Variants in DENND2B observed in about 807,000 individuals in gnomAD.
The protein encoded by DENND2B is DENN domain containing 2B, also known as DENN domain-containing protein 2B.
Under a neutral mutation model 116.0 loss-of-function variants are expected in DENND2B, and 32 were observed. The ratio of observed to expected loss-of-function variants is 0.28; its 90% CI spans 0.21 to 0.37. The LOEUF is 0.37. Ranked by LOEUF, DENND2B falls within the 10% of genes least tolerant of loss-of-function variation. The probability of loss-of-function intolerance (pLI) is 1.00; values close to 1 mark genes in which losing one functional copy is unlikely to be tolerated. For synonymous variants in DENND2B, 588 were observed against 583.9 expected (o/e 1.01, Z -0.10); for missense variants, 1,276 against 1,477.7 (o/e 0.86, Z 2.24).
chr11:8,742,126 CTGGGCTCAAGTGATCCTTA>C (rs1244008017), intron 2 of DENND2B, among the ~76,000 whole-genome samples: 1 of 152,126 alleles, frequency 6.6e-6, no homozygotes, highest in South Asian at 2.1e-4. Context: ...TCTTGAACTC[CTGGGCTCAAGTGATCCTTA>C]TGCCTCAGCC....
intron 3 of DENND2B, among the ~76,000 whole-genome samples, chr11:8,846,917 G>A (rs1324770594): frequency 2.0e-5 from 3 of 152,162 alleles, no homozygotes; most frequent in Non-Finnish European, 4.4e-5. Flanking sequence ...TGTCCCACAG[G>A]GTGACCCCTC....
intron 1 of DENND2B, among the ~76,000 whole-genome samples, chr11:8,805,373 G>A (rs914260766): frequency 1.3e-5 from 2 of 152,220 alleles, no homozygotes; most frequent in Non-Finnish European, 2.9e-5. Flanking sequence ...CCATAAGGTA[G>A]CCTGTGTTCC....
At chr11:8,767,505 G>A (rs1214955972) in intron 1 of DENND2B, among the ~76,000 whole-genome samples, 1 of 152,164 alleles carries the variant, frequency 6.6e-6, no homozygotes, top group South Asian at 2.1e-4. Flanking sequence ...TACAGAATAC[G>A]TTCCAGAGGA....
intron 1 of DENND2B, among the ~76,000 whole-genome samples, chr11:8,780,437 C>T (rs996516078): frequency 1.3e-5 from 2 of 152,150 alleles, no homozygotes; most frequent in Non-Finnish European, 2.9e-5. Context: ...AGAGGGTGAC[C>T]CTTGTGCTAG....
chr11:8,753,586 G>C (rs2052970319), intron 1 of DENND2B, among the ~76,000 whole-genome samples: 1 of 151,962 alleles, frequency 6.6e-6, no homozygotes, highest in South Asian at 2.1e-4. Context: ...GAAATGCAAG[G>C]GATACAGGAC....
chr11:8,759,067 C>G (rs1464834978), intron 1 of DENND2B, among the ~76,000 whole-genome samples: 1 of 152,182 alleles, frequency 6.6e-6, no homozygotes, highest in Non-Finnish European at 1.5e-5. Flanking sequence ...TCCTGAGTGC[C>G]CTTTCTCCCT....
At chr11:8,761,663 C>T (rs1776365005) in intron 1 of DENND2B, among the ~76,000 whole-genome samples, 1 of 152,180 alleles carries the variant, frequency 6.6e-6, no homozygotes, top group Admixed American at 6.5e-5. Context: ...ACTCTAAGTC[C>T]TGACCTCCTT....
At chr11:8,737,883 G>T (rs892768525) in intron 2 of DENND2B, among the ~76,000 whole-genome samples, 1 of 151,446 alleles carries the variant, frequency 6.6e-6, no homozygotes, top group African/African-American at 2.4e-5. Context: ...GAATAGCTGG[G>T]ACTACAGGTT....
chr11:8,896,228 T>C (rs926439495), intron 1 of DENND2B, among the ~76,000 whole-genome samples: 4 of 152,038 alleles, frequency 2.6e-5, no homozygotes, highest in African/African-American at 9.7e-5. Context: ...CCAGTATCAA[T>C]GCACAGAAGA....
At chr11:8,794,251 G>A (rs2059627762) in intron 1 of DENND2B, among the ~76,000 whole-genome samples, 1 of 152,222 alleles carries the variant, frequency 6.6e-6, no homozygotes, top group African/African-American at 2.4e-5. Context: ...GGGCAGAGGT[G>A]AGAAGACCTG....
chr11:8,892,528 G>T lies in DENND2B; in HGVS notation c.-255-11419C>A, dbSNP rs565371830. ...GACTAATAAAGAAGACAAGAGAGAA[G>T]AATCAAATAGACACAATAAAAAATG... On this transcript the variant is annotated intron_variant, in intron 1 of 22. Transcript: ENST00000534127. Among the ~76,000 whole-genome samples the T allele has an allele frequency of 4.4e-4, 67 of 151,898 alleles. 1 individual carries two copies. The South Asian group carries it at 0.013, about 30-fold the overall frequency.
At chr11:8,861,510 A>G (rs2063389490) in intron 2 of DENND2B, among the ~76,000 whole-genome samples, 1 of 152,356 alleles carries the variant, frequency 6.6e-6, no homozygotes, top group Middle Eastern at 3.4e-3. Context: ...CAGACTAGCC[A>G]TTACTAAAAA....
chr11:8,712,693 C>T lies in DENND2B; in HGVS notation c.2030G>A (p.Arg677His), dbSNP rs747566247. The T allele has an allele frequency of 9.3e-6, 15 of 1,612,160 alleles. No homozygotes were observed. Among genetic ancestry groups the T allele is most frequent in the Middle Eastern group, 3.3e-4 (2 of 6,072 alleles). The change falls in exon 9 of 20, where the codon CGC (arginine) becomes CAC (histidine). Residue 677 changes from arginine to histidine, a missense_variant. Coordinates refer to ENST00000313726, the MANE Select transcript of DENND2B (RefSeq NM_213618.2). This position sits in a 1 kb window ranked among gnomAD's most constrained non-coding sequence, Gnocchi z 4.4. Reference protein sequence around the residue: ...RLVHIQSMLKRAPSYRTLELE... With the variant: ...RLVHIQSMLKHAPSYRTLELE... ...CTCCAGCGTGCGATAGCTGGGGGCG[C>T]GCTTCAGCATCGACTGGATGTGGAC... is the stretch of plus-strand genomic sequence containing the variant.
chr11:8,799,457 A>G (rs963814263), intron 1 of DENND2B, among the ~76,000 whole-genome samples: 1 of 152,088 alleles, frequency 6.6e-6, no homozygotes, highest in African/African-American at 2.4e-5. Context: ...TACCAGCCAG[A>G]GTCCAAGCCA....
chr11:8,711,417 C>A (rs555105175), intron 9 of DENND2B, among the ~76,000 whole-genome samples, 186 bp from the exon 10 acceptor site: 1 of 152,136 alleles, frequency 6.6e-6, no homozygotes, highest in African/African-American at 2.4e-5. Context: ...TAAATGCCAG[C>A]GGAGTGCTTT....
intron 4 of DENND2B, among the ~76,000 whole-genome samples, chr11:8,721,466 C>T (rs1442410098): frequency 1.3e-5 from 2 of 151,394 alleles, no homozygotes; most frequent in East Asian, 3.9e-4. Flanking sequence ...GGACCACACC[C>T]ATTACTAGGG....
chr11:8,753,508 C>T (rs184444786), intron 1 of DENND2B, among the ~76,000 whole-genome samples: 1 of 152,214 alleles, frequency 6.6e-6, no homozygotes, highest in East Asian at 1.9e-4. Context: ...ACAGACTCAA[C>T]AGAATACCCA....
intron 4 of DENND2B, chr11:8,719,133 AGCAG>A: frequency 1.0e-6 from 1 of 985,714 alleles, no homozygotes; most frequent in African/African-American, 1.7e-5. Flanking sequence ...CTCCTCAGGA[AGCAG>A]GCAGAAGAAG....
At chr11:8,897,882 C>A (rs2064121996) in intron 1 of DENND2B, among the ~76,000 whole-genome samples, 1 of 152,146 alleles carries the variant, frequency 6.6e-6, no homozygotes, top group Non-Finnish European at 1.5e-5. Context: ...AACTCCTAGG[C>A]TCCAGCAATC....
Sources: gnomAD v4.1 joint callset for allele counts (sites outside exome capture counted in the v4.1 genomes callset) on GRCh38, gnomAD v4.1.1 for gene constraint, Gnocchi (gnomAD v3.1) non-coding constraint, MANE v1.5 for transcripts, NCBI Gene and HGNC (gene_info 2026-07-23, HGNC 2026-07-21) for gene names.